ADAM2: variants seen among roughly 807,000 people sequenced by gnomAD.
ADAM2 encodes disintegrin and metalloproteinase domain-containing protein 2.
A neutral mutation model predicts 99.3 loss-of-function variants in ADAM2; 101 were observed. That is an observed-to-expected ratio of 1.02 (90% CI 0.87 to 1.20). The LOEUF (loss-of-function observed/expected upper bound fraction) is 1.20. Among genes scored for constraint, ADAM2 ranks in the 50% most tolerant of loss-of-function variants. The probability of loss-of-function intolerance (pLI) is 0.00; values close to 1 mark genes in which losing one functional copy is unlikely to be tolerated. For missense variants in ADAM2, 948 were observed against 878.7 expected (o/e 1.08, Z -1.00); for synonymous variants, 323 against 287.6 (o/e 1.12, Z -1.25).
chr8:39,745,274 C>T (rs1404427036), intron 19 of ADAM2, among the ~76,000 whole-genome samples: 1 of 152,052 alleles, frequency 6.6e-6, no homozygotes, highest in East Asian at 1.9e-4. Context: ...AGTTATTCCA[C>T]AATAGTTATC....
intron 5 of ADAM2, 21 bp from the exon 6 acceptor site, chr8:39,821,191 T>A (rs556142976): frequency 1.3e-5 from 20 of 1,489,930 alleles, no homozygotes; most frequent in African/African-American, 1.1e-4. Context: ...CAAAAAAAAA[T>A]TAATAAGTAA....
intron 10 of ADAM2, among the ~76,000 whole-genome samples, chr8:39,777,521 A>T (rs1450158673): frequency 1.3e-5 from 2 of 152,108 alleles, no homozygotes; most frequent in South Asian, 2.1e-4. Flanking sequence ...TTTGGTCATT[A>T]CCAGAGGCTG....
intron 7 of ADAM2, among the ~76,000 whole-genome samples, chr8:39,794,440 A>G (rs1037670419): frequency 6.6e-6 from 1 of 152,106 alleles, no homozygotes; most frequent in African/African-American, 2.4e-5. Context: ...AAAATAAGGG[A>G]GGAGACCACC....
chr8:39,764,324 C>T (rs1414748226), intron 14 of ADAM2, among the ~76,000 whole-genome samples: 1 of 152,126 alleles, frequency 6.6e-6, no homozygotes, highest in Admixed American at 6.5e-5. Context: ...GCAAAAAGAT[C>T]ACTTGACCTT....
chr8:39,809,508 CT>C, intron 6 of ADAM2, 42 bp from the exon 7 acceptor site: 1 of 981,470 alleles, frequency 1.0e-6, no homozygotes, highest in Non-Finnish European at 1.6e-6. Flanking sequence ...TACAGAATTA[CT>C]TAAGTATTTT....
At chr8:39,770,040 G>A (rs11777615) in intron 11 of ADAM2, among the ~76,000 whole-genome samples, 14,993 of 147,044 alleles carry the variant, frequency 0.1, 800 homozygotes, top group African/African-American at 0.13. Context: ...TCCATCTCCC[G>A]GTTCAAGCAA....
intron 7 of ADAM2, 46 bp from the exon 8 acceptor site, chr8:39,788,786 C>T (rs751135540): frequency 2.0e-6 from 2 of 1,003,732 alleles, no homozygotes; most frequent in South Asian, 4.3e-5. Context: ...TATTGCTTAA[C>T]ATTTAATGAT....
chr8:39,781,309 C>A (rs1803224004), intron 10 of ADAM2, among the ~76,000 whole-genome samples: 1 of 152,056 alleles, frequency 6.6e-6, no homozygotes. Flanking sequence ...GTGTGTGTCA[C>A]ATGAACCTGT....
rs958329860 is a variant in ADAM2 at position 39,743,845 on chromosome 8, G to C, written c.*250C>G. The C allele has an allele frequency of 6.6e-6, 1 of 151,960 alleles. No individual in the cohort carries two copies. Among genetic ancestry groups the C allele is most frequent in the Non-Finnish European group, 1.5e-5 (1 of 67,962 alleles). 9.4% of individuals were successfully genotyped at this position (151,960 alleles called of 1,614,324 possible). On this transcript the variant is annotated 3_prime_UTR_variant, in exon 21 of 21. Transcript: ENST00000265708. ...TAGTGTCTACTAACCAACAGAAATA[G>C]CGTAAGATAACTTTAAAAAAACAGA...
Position 39,784,736 on chromosome 8 carries a change from G to C in ADAM2, c.891+2238C>G, listed in dbSNP as rs535648105. ...AGCCAAATTCCAGCATTTGAGACCA[G>C]ATAAATCACTTGACCATAAGTATAA... is the stretch of plus-strand genomic sequence containing the variant. On this transcript the variant is annotated intron_variant, in intron 10 of 20. Coordinates refer to ENST00000265708, the MANE Select transcript of ADAM2 (RefSeq NM_001464.5). Among the ~76,000 whole-genome samples the C allele has an allele frequency of 1.8e-3, 279 of 152,250 alleles. 1 individual carries two copies. Among genetic ancestry groups the C allele is most frequent in the South Asian group, 0.014 (69 of 4,818 alleles).
At chr8:39,775,554 G>A (rs1159906247) in intron 11 of ADAM2, among the ~76,000 whole-genome samples, 3 of 152,002 alleles carry the variant, frequency 2.0e-5, no homozygotes, top group African/African-American at 7.2e-5. Context: ...ACAGTCTTTA[G>A]GTCTAAATCT....
intron 10 of ADAM2, among the ~76,000 whole-genome samples, chr8:39,779,922 T>C (rs1480011832): frequency 2.0e-5 from 3 of 152,200 alleles, no homozygotes; most frequent in Non-Finnish European, 2.9e-5. Flanking sequence ...GAACACATGT[T>C]ATGTTTTGTT....
intron 7 of ADAM2, among the ~76,000 whole-genome samples, chr8:39,803,816 C>T (rs935181721): frequency 3.3e-5 from 5 of 152,172 alleles, no homozygotes; most frequent in Non-Finnish European, 7.3e-5. Flanking sequence ...AAAACATCGA[C>T]ATGTTAGCTG....
chr8:39,749,777 C>T, intron 16 of ADAM2, 33 bp from the exon 17 acceptor site: 1 of 1,557,228 alleles, frequency 6.4e-7, no homozygotes, highest in South Asian at 1.1e-5. Flanking sequence ...AGTTAATTGA[C>T]ATGCCATCTA....
chr8:39,807,227 T>C (rs1466256227), intron 7 of ADAM2, among the ~76,000 whole-genome samples: 2 of 152,250 alleles, frequency 1.3e-5, no homozygotes, highest in Non-Finnish European at 2.9e-5. Flanking sequence ...CATGGCCCTT[T>C]GCTTCCTTCC....
chr8:39,793,233 C>A (rs1162397751), intron 7 of ADAM2, among the ~76,000 whole-genome samples: 2 of 152,082 alleles, frequency 1.3e-5, no homozygotes, highest in African/African-American at 4.8e-5. Flanking sequence ...ACGTTCTGTG[C>A]CTTTTAAATG....
intron 7 of ADAM2, among the ~76,000 whole-genome samples, chr8:39,794,140 CT>C (rs1803838782): frequency 6.6e-6 from 1 of 152,070 alleles, no homozygotes; most frequent in Admixed American, 6.6e-5. Flanking sequence ...AAATTTTAGA[CT>C]AAAAACTGCA....
In ADAM2 at chr8:39,800,265, A is replaced by G. The variant is rs141687633; in HGVS notation, c.570+9145T>C. Reference sequence around the variant, plus strand: ...CATTTGCTTGTCTGGAAAGACTTTTATTTCTTTTTCACTTATGATGCTTAA... The same window carrying G: ...CATTTGCTTGTCTGGAAAGACTTTTGTTTCTTTTTCACTTATGATGCTTAA... On this transcript the variant is annotated intron_variant, in intron 7 of 20. Coordinates refer to ENST00000265708, the MANE Select transcript of ADAM2 (RefSeq NM_001464.5). Among the ~76,000 whole-genome samples, 400 of 152,180 alleles carry G rather than the reference A, an allele frequency of 2.6e-3. 9 individuals carry two copies. Among genetic ancestry groups the G allele is most frequent in the Admixed American group, 0.024 (364 of 15,288 alleles).
intron 6 of ADAM2, among the ~76,000 whole-genome samples, chr8:39,816,393 T>C (rs1240583191): frequency 6.6e-6 from 1 of 152,148 alleles, no homozygotes; most frequent in African/African-American, 2.4e-5. Context: ...ATTGGACAAA[T>C]AATCTGGCAG....
Sources: gnomAD v4.1 joint callset for allele counts (sites outside exome capture counted in the v4.1 genomes callset) on GRCh38, gnomAD v4.1.1 for gene constraint, MANE v1.5 for transcripts, NCBI Gene and HGNC (gene_info 2026-07-23, HGNC 2026-07-21) for gene names.